Variants in MCTP2 observed in about 807,000 individuals in gnomAD.
MCTP2 encodes the protein multiple C2 and transmembrane domain-containing protein 2.
A neutral mutation model predicts 111.6 loss-of-function variants in MCTP2; 132 were observed. The ratio of observed to expected loss-of-function variants is 1.18; its 90% CI spans 1.03 to 1.37. The LOEUF (loss-of-function observed/expected upper bound fraction) is 1.37, where lower values mean the gene tolerates loss of function less well. Among genes scored for constraint, MCTP2 ranks in the 40% most tolerant of loss-of-function variants. MCTP2 has a pLI of 0.00. For synonymous variants in MCTP2, 395 were observed against 387.7 expected (o/e 1.02, Z -0.22); for missense variants, 1,183 against 1,067.9 (o/e 1.11, Z -1.50).
chr15:94,365,244 G>A (rs765121489), intron 10 of MCTP2, among the ~76,000 whole-genome samples: 40 of 152,302 alleles, frequency 2.6e-4, no homozygotes, highest in African/African-American at 3.8e-4. Flanking sequence ...GGATTCACTC[G>A]TTAGTTATCA....
chr15:94,348,028 A>G (rs868170765), intron 8 of MCTP2, among the ~76,000 whole-genome samples: 2 of 152,130 alleles, frequency 1.3e-5, no homozygotes, highest in African/African-American at 4.8e-5. Context: ...TTTTACCAAG[A>G]TAAGTACATA....
chr15:94,243,780 T>C (rs1214155811), intron 1 of MCTP2, among the ~76,000 whole-genome samples: 10 of 147,222 alleles, frequency 6.8e-5, no homozygotes, highest in East Asian at 6.2e-4. Flanking sequence ...TTTATGAACA[T>C]ATATATGTAT....
intron 10 of MCTP2, among the ~76,000 whole-genome samples, chr15:94,359,554 C>T (rs1308643948): frequency 2.0e-5 from 3 of 152,136 alleles, no homozygotes; most frequent in Non-Finnish European, 2.9e-5. Flanking sequence ...ATGGGAGGGC[C>T]TCCTTGCACC....
chr15:94,476,132 G>A (rs2074326863), intron 21 of MCTP2, among the ~76,000 whole-genome samples: 1 of 152,208 alleles, frequency 6.6e-6, no homozygotes, highest in South Asian at 2.1e-4. Context: ...AAAATGAGTT[G>A]GAGGTGGGGA....
chr15:94,403,140 A>T lies in MCTP2; in HGVS notation c.2085+1121A>T, dbSNP rs934715828. 5.1e-6 allele frequency: 5 copies of T among 986,352 alleles called. No individual in the cohort carries two copies. In the African/African-American group the frequency reaches 8.7e-5, roughly 17 times the overall value. The allele number at this position is 986,352 out of a possible 1,614,324, so 61.1% of individuals were successfully genotyped here. On this transcript the variant is annotated intron_variant, in intron 17 of 22. Coordinates refer to ENST00000357742, the MANE Select transcript of MCTP2 (RefSeq NM_001385001.1). ...TTGCTGTCGTTTATTTTAGTTCTCC[A>T]CTGCTTCGGTGTAGAGGACCTATGC...
rs10644556 is a variant in MCTP2 at position 94,336,676 on chromosome 15, C to CATATATAT, written c.638-2603_638-2596dup. ...ATGACTGGCTGTTAGTTTTGCTTAG[C>CATATATAT]ATATATATATATATATATGTATGTA... On this transcript the variant is annotated intron_variant, in intron 4 of 22. Coordinates refer to ENST00000357742, the MANE Select transcript of MCTP2 (RefSeq NM_001385001.1). Among the ~76,000 whole-genome samples the CATATATAT allele has an allele frequency of 6.8e-3, 996 of 146,726 alleles. 21 individuals are homozygous for CATATATAT. The highest frequency in any genetic ancestry group is 0.024 in the African/African-American group (954 of 39,750).
chr15:94,345,588 A>T (rs1033677592), intron 8 of MCTP2, among the ~76,000 whole-genome samples: 1 of 152,204 alleles, frequency 6.6e-6, no homozygotes, highest in African/African-American at 2.4e-5. Context: ...AAAGCCATTT[A>T]TAAATTTTTG....
At chr15:94,393,817 A>G (rs1424581926) in intron 14 of MCTP2, among the ~76,000 whole-genome samples, 1 of 152,164 alleles carries the variant, frequency 6.6e-6, no homozygotes, top group Admixed American at 6.5e-5. Context: ...TGGGAGGCCA[A>G]GGTGGGTGGA....
intron 1 of MCTP2, among the ~76,000 whole-genome samples, chr15:94,240,411 ACT>A (rs1053187283): frequency 1.3e-5 from 2 of 151,944 alleles, no homozygotes; most frequent in African/African-American, 4.8e-5. Context: ...CAATCACTGC[ACT>A]CTGTTTTGCA....
At chr15:94,426,910 T>C (rs1352538386) in intron 17 of MCTP2, among the ~76,000 whole-genome samples, 1 of 152,094 alleles carries the variant, frequency 6.6e-6, no homozygotes, top group Non-Finnish European at 1.5e-5. Context: ...TAGCCCTTTT[T>C]GGATTCTCAA....
At chr15:94,440,367 A>G (rs2083711504) in intron 18 of MCTP2, 69 bp downstream of exon 18, 1 of 1,588,674 alleles carries the variant, frequency 6.3e-7, no homozygotes, top group South Asian at 1.1e-5. Context: ...TACCACCACC[A>G]CCAAATCATG....
chr15:94,297,236 A>G (rs1327309122), intron 1 of MCTP2, among the ~76,000 whole-genome samples: 1 of 152,188 alleles, frequency 6.6e-6, no homozygotes, highest in Non-Finnish European at 1.5e-5. Flanking sequence ...ATCCGTGATG[A>G]GTTCAACCTG....
chr15:94,477,766 T>G (rs1158961119), intron 22 of MCTP2, among the ~76,000 whole-genome samples: 1 of 152,190 alleles, frequency 6.6e-6, no homozygotes, highest in African/African-American at 2.4e-5. Context: ...TAAAATGGAC[T>G]CTGTGATGCT....
intron 17 of MCTP2, chr15:94,402,743 G>C (rs1191486901): frequency 1.7e-5 from 24 of 1,431,004 alleles, no homozygotes; most frequent in Non-Finnish European, 2.1e-5. Flanking sequence ...GTCAGCCATG[G>C]GAGGAGAAAT....
intron 17 of MCTP2, among the ~76,000 whole-genome samples, chr15:94,425,630 G>A (rs2082848540): frequency 6.6e-6 from 1 of 152,096 alleles, no homozygotes; most frequent in Non-Finnish European, 1.5e-5. Context: ...GAAACACTTA[G>A]AGAACTGATT....
chr15:94,273,404 C>T (rs919459128), intron 1 of MCTP2: 7 of 152,118 alleles, frequency 4.6e-5, no homozygotes, highest in Non-Finnish European at 5.9e-5. Flanking sequence ...CTAGACAATC[C>T]CCATATAGAA....
At chr15:94,473,558 T>G (rs2074101938) in intron 21 of MCTP2, among the ~76,000 whole-genome samples, 1 of 152,238 alleles carries the variant, frequency 6.6e-6, no homozygotes, top group African/African-American at 2.4e-5. Flanking sequence ...GTGGGTTTCC[T>G]TTTGAGAGAT....
At chr15:94,355,788 ATC>A (rs1289063420) in intron 8 of MCTP2, 1 of 393,360 alleles carries the variant, frequency 2.5e-6, no homozygotes, top group African/African-American at 2.2e-5. Flanking sequence ...CTGGTATAAT[ATC>A]TCTGTTGCCC....
rs779448027 is a variant in MCTP2 at position 94,399,921 on chromosome 15, G to A, written c.1891G>A (p.Val631Met). 4.3e-6 allele frequency: 7 copies of A among 1,613,642 alleles called. No individual in the cohort carries two copies. The South Asian group carries it at 4.4e-5, about 10-fold the overall frequency. The change falls in exon 16 of 23, where the codon GTG (valine) becomes ATG (methionine). Residue 631 changes from valine (V) to methionine (M), a missense_variant and splice_region_variant. Val to Met is a conservative substitution (Grantham distance 21, BLOSUM62 1). Coordinates refer to ENST00000357742, the MANE Select transcript of MCTP2 (RefSeq NM_001385001.1). ...YLEMDLIYNP[V>M]KASIRTFTPR... Reference sequence around the variant, plus strand: ...TTTTTAACAAGGATGTCTTTTCTAGGTGAAAGCAAGTATTAGGACTTTTAC... The same window carrying A: ...TTTTTAACAAGGATGTCTTTTCTAGATGAAAGCAAGTATTAGGACTTTTAC...
Sources: allele counts gnomAD v4.1 joint callset (sites outside exome capture counted in the v4.1 genomes callset), GRCh38; gene constraint gnomAD v4.1.1; transcripts MANE v1.5; gene names NCBI Gene and HGNC (gene_info 2026-07-23, HGNC 2026-07-21).